P4HA1: variants seen among roughly 807,000 people sequenced by gnomAD.
P4HA1 encodes the protein prolyl 4-hydroxylase subunit alpha 1, also known as prolyl 4-hydroxylase subunit alpha-1.
Under a neutral mutation model 72.8 loss-of-function variants are expected in P4HA1, and 24 were observed. The ratio of observed to expected loss-of-function variants is 0.33; its 90% confidence interval spans 0.24 to 0.46. The LOEUF (loss-of-function observed/expected upper bound fraction) is 0.46. Ranked by LOEUF, P4HA1 falls within the 20% of genes least tolerant of loss-of-function variation. The pLI, the probability that P4HA1 is intolerant of heterozygous loss-of-function variation, is 1.00. For synonymous variants in P4HA1, 201 were observed against 218.8 expected, an observed-to-expected ratio of 0.92 and a Z score of 0.72; for missense variants, 446 against 640.6, an observed-to-expected ratio of 0.70 and a Z score of 3.28.
chr10:73,053,516 A>T lies in P4HA1; in HGVS notation c.538T>A (p.Tyr180Asn). Residue 180 changes from tyrosine to asparagine, a missense_variant, in exon 6 of 15, where the codon TAT (tyrosine) becomes AAT (asparagine). Coordinates refer to ENST00000394890, the MANE Select transcript of P4HA1 (RefSeq NM_001017962.3). ...TCCATCCACAGTTCCGTATGGTAATAATCTGCTTCTGTATAGGCCACTTTG... is the reference window on the plus strand; with the variant it reads ...TCCATCCACAGTTCCGTATGGTAATTATCTGCTTCTGTATAGGCCACTTTG... Reference protein sequence around the residue: ...LGKVAYTEADYYHTELWMEQA... With the variant: ...LGKVAYTEADNYHTELWMEQA... 1 of 1,614,088 alleles carries T rather than the reference A, an allele frequency of 6.2e-7. No individual in the cohort carries two copies. The highest frequency in any genetic ancestry group is 1.1e-5 in the South Asian group (1 of 91,082).
chr10:73,058,887 C>T (rs1451140515), intron 5 of P4HA1, among the ~76,000 whole-genome samples: 3 of 149,594 alleles, frequency 2.0e-5, no homozygotes, highest in Admixed American at 6.7e-5. Flanking sequence ...AAGAAATTCT[C>T]GTGCCTCACC....
intron 5 of P4HA1, among the ~76,000 whole-genome samples, chr10:73,067,813 T>C (rs751384688): frequency 9.1e-4 from 139 of 152,180 alleles, no homozygotes; most frequent in Non-Finnish European, 1.2e-3. Flanking sequence ...TGTGCTCATA[T>C]GGTATCCTGA....
intron 9 of P4HA1, among the ~76,000 whole-genome samples, chr10:73,041,067 T>C (rs1256437834): frequency 3.9e-5 from 6 of 152,158 alleles, no homozygotes; most frequent in Non-Finnish European, 7.4e-5. Context: ...TACTATCTAT[T>C]AGTGTTCCTT....
At chr10:73,048,286 CAA>C (rs1414621929) in intron 7 of P4HA1, among the ~76,000 whole-genome samples, 1 of 152,112 alleles carries the variant, frequency 6.6e-6, no homozygotes, top group Non-Finnish European at 1.5e-5. Context: ...TTTGTTTAGA[CAA>C]AGTCTTGCTC....
chr10:73,060,866 C>T (rs2133113115), intron 5 of P4HA1, among the ~76,000 whole-genome samples: 1 of 151,894 alleles, frequency 6.6e-6, no homozygotes, highest in South Asian at 2.1e-4. Flanking sequence ...CAGATCACTA[C>T]TAAAAATGGT....
At chr10:73,093,756 T>C (rs945664451) in intron 1 of P4HA1, among the ~76,000 whole-genome samples, 3 of 140,090 alleles carry the variant, frequency 2.1e-5, no homozygotes, top group Admixed American at 7.6e-5. Flanking sequence ...GGCAGGAGAA[T>C]GGCGTGAACC....
At chr10:73,041,360 C>T (rs1027902375) in intron 9 of P4HA1, among the ~76,000 whole-genome samples, 9 of 151,930 alleles carry the variant, frequency 5.9e-5, no homozygotes, top group South Asian at 2.1e-4. Flanking sequence ...CTGGCTAACA[C>T]GGTGAAACCC....
chr10:73,037,667 C>T (rs1840630698), intron 9 of P4HA1, among the ~76,000 whole-genome samples: 1 of 142,494 alleles, frequency 7.0e-6, no homozygotes, highest in East Asian at 2.1e-4. Context: ...TCTCTAGGTG[C>T]TTGATGGTTA....
chr10:73,064,789 C>T (rs551752377), intron 5 of P4HA1, among the ~76,000 whole-genome samples: 10 of 148,906 alleles, frequency 6.7e-5, no homozygotes, highest in African/African-American at 2.5e-4. Flanking sequence ...TGCAGTGAGC[C>T]GAGCTGCGCC....
intron 5 of P4HA1, among the ~76,000 whole-genome samples, chr10:73,061,485 A>G (rs944216168): frequency 3.3e-5 from 5 of 152,254 alleles, no homozygotes; most frequent in African/African-American, 1.2e-4. Context: ...TTAAAAAAAT[A>G]CAACTGTAAA....
In P4HA1 at chr10:73,075,728, T is replaced by A. The variant is rs548528037; in HGVS notation, c.-32-813A>T. Among the ~76,000 whole-genome samples the A allele has an allele frequency of 6.8e-4, 102 of 150,114 alleles. 1 individual carries two copies. In the Middle Eastern group the frequency reaches 0.024, roughly 36 times the overall value. On this transcript the variant is annotated intron_variant, in intron 1 of 14. Transcript: ENST00000394890. ...TTGTTCCATCTTTTTCATATATATT[T>A]TATATATATATATAGTGTGTGTGTG...
chr10:73,015,569 A>G (rs1006412680), intron 11 of P4HA1, among the ~76,000 whole-genome samples: 8 of 152,340 alleles, frequency 5.3e-5, no homozygotes, highest in African/African-American at 1.9e-4. Flanking sequence ...CTGTATCACA[A>G]GAGATTTATT....
chr10:73,093,901 TATATATACACAC>T (rs1239698989), intron 1 of P4HA1, among the ~76,000 whole-genome samples: 2 of 77,410 alleles, frequency 2.6e-5, no homozygotes, highest in Middle Eastern at 6.7e-3. Context: ...TATATATATA[TATATATACACAC>T]ACACACACAC....
In P4HA1 at chr10:73,038,960, T is replaced by C. The variant is rs115725922; in HGVS notation, c.1148+6021A>G. On this transcript the variant is annotated intron_variant, in intron 9 of 14. Coordinates refer to ENST00000394890, the MANE Select transcript of P4HA1 (RefSeq NM_001017962.3). ...TTTTTAATAGTGGAAAAGACAGAGA[T>C]GACTTGCCAAAAGTTAACAGATTGT... is the stretch of plus-strand genomic sequence containing the variant. Among the ~76,000 whole-genome samples the C allele has an allele frequency of 3.5e-3, 534 of 152,252 alleles. 6 individuals carry two copies. The highest frequency in any genetic ancestry group is 0.012 in the African/African-American group (519 of 41,546).
At chr10:73,032,159 A>G (rs1564623390) in intron 9 of P4HA1, among the ~76,000 whole-genome samples, 1 of 152,206 alleles carries the variant, frequency 6.6e-6, no homozygotes, top group Non-Finnish European at 1.5e-5. Context: ...CACTCAGTAG[A>G]TAATGTATTT....
chr10:73,035,460 T>A (rs1589591257), intron 9 of P4HA1, among the ~76,000 whole-genome samples: 1 of 151,976 alleles, frequency 6.6e-6, no homozygotes, highest in South Asian at 2.1e-4. Context: ...GAGTTCGAGG[T>A]TGCTATGCCC....
intron 7 of P4HA1, among the ~76,000 whole-genome samples, chr10:73,050,379 G>A (rs1207120489): frequency 6.6e-6 from 1 of 151,768 alleles, no homozygotes; most frequent in Non-Finnish European, 1.5e-5. Context: ...CACCCACAGA[G>A]AGAGAATGGT....
chr10:73,079,018 C>A (rs1486029270), intron 1 of P4HA1, among the ~76,000 whole-genome samples: 1 of 152,144 alleles, frequency 6.6e-6, no homozygotes, highest in Non-Finnish European at 1.5e-5. Context: ...AGCATTAACT[C>A]TCATATTAAG....
Position 73,068,950 on chromosome 10 carries a change from T to A in P4HA1, c.359A>T (p.Tyr120Phe). The A allele has an allele frequency of 6.2e-7, 1 of 1,612,740 alleles. No homozygotes were observed. Among genetic ancestry groups the A allele is most frequent in the Non-Finnish European group, 8.5e-7 (1 of 1,178,928 alleles). The stretch of plus-strand genomic sequence containing the variant: ...AACCTGATCTTCATCATTAGGAAAG[T>A]ACTGTCTCTGAATGGTTAGGTTAGA... ...FISNLTIQRQ[Y>F]FPNDEDQVGA... Residue 120 changes from tyrosine (Y) to phenylalanine (F), a missense_variant, in exon 5 of 15, where the codon TAC becomes TTC. By Grantham distance (22) the Tyr-to-Phe change is conservative. Coordinates refer to ENST00000394890, the MANE Select transcript of P4HA1 (RefSeq NM_001017962.3).
Sources: gnomAD v4.1 joint callset for allele counts (sites outside exome capture counted in the v4.1 genomes callset) on GRCh38, gnomAD v4.1.1 for gene constraint, MANE v1.5 for transcripts, NCBI Gene and HGNC (gene_info 2026-07-23, HGNC 2026-07-21) for gene names.